LIMS1: variants seen among roughly 807,000 people sequenced by gnomAD.
LIMS1 encodes LIM zinc finger domain containing 1.
Under a neutral mutation model 44.1 loss-of-function variants are expected in LIMS1, and 18 were observed. That is an observed-to-expected ratio of 0.41 (90% CI 0.28 to 0.61). The LOEUF (loss-of-function observed/expected upper bound fraction) is 0.61, where lower values mean the gene tolerates loss of function less well. LIMS1 is among the 20% of genes least tolerant of loss of function. The probability of loss-of-function intolerance (pLI) is 0.32; values close to 1 mark genes in which losing one functional copy is unlikely to be tolerated. For synonymous variants in LIMS1, 93 were observed against 149.1 expected (o/e 0.62, Z 2.74); for missense variants, 201 against 422.0 (o/e 0.48, Z 4.59).
intron 1 of LIMS1, among the ~76,000 whole-genome samples, chr2:108,583,700 C>CTT (rs759827869): frequency 0.064 from 8,292 of 129,796 alleles, 429 homozygotes; most frequent in African/African-American, 0.086. Flanking sequence ...GTTGCTGTTT[C>CTT]TTTTTTTTTT....
chr2:108,550,689 G>A (rs1006006950), intron 1 of LIMS1, among the ~76,000 whole-genome samples: 1 of 151,216 alleles, frequency 6.6e-6, no homozygotes, highest in Admixed American at 6.6e-5. Context: ...CGTGGCGGGT[G>A]CCTGTAGTCC....
chr2:108,638,605 G>T (rs55861910), intron 1 of LIMS1, among the ~76,000 whole-genome samples: 10 of 151,806 alleles, frequency 6.6e-5, no homozygotes, highest in Non-Finnish European at 1.3e-4. Context: ...AAATTAGCCT[G>T]GTGTGGTAGC....
intron 1 of LIMS1, among the ~76,000 whole-genome samples, chr2:108,565,752 G>C (rs1000497057): frequency 6.6e-6 from 1 of 152,130 alleles, no homozygotes; most frequent in African/African-American, 2.4e-5. Flanking sequence ...AGTTTTCGAG[G>C]CTGGGAAGTC....
chr2:108,578,408 A>G (rs998862677), intron 1 of LIMS1, among the ~76,000 whole-genome samples: 8 of 152,000 alleles, frequency 5.3e-5, no homozygotes, highest in African/African-American at 1.9e-4. Flanking sequence ...ACTTATTTTG[A>G]AGTAGTTTTA....
chr2:108,596,548 C>T (rs750369750), intron 1 of LIMS1, among the ~76,000 whole-genome samples: 12 of 152,186 alleles, frequency 7.9e-5, no homozygotes, highest in East Asian at 1.9e-4. Flanking sequence ...GCATGTTGGC[C>T]GGGCATGGCA....
At chr2:108,616,138 A>G (rs1407107710) in intron 1 of LIMS1, among the ~76,000 whole-genome samples, 1 of 147,770 alleles carries the variant, frequency 6.8e-6, no homozygotes, top group Non-Finnish European at 1.5e-5. Flanking sequence ...TGATGGCCCC[A>G]TGTTGCTGGT....
At chr2:108,570,346 C>T (rs563364319) in intron 1 of LIMS1, among the ~76,000 whole-genome samples, 1 of 152,258 alleles carries the variant, frequency 6.6e-6, no homozygotes, top group South Asian at 2.1e-4. Context: ...AGGAGAATCT[C>T]TTGAACCCAG....
chr2:108,671,710 A>G (rs1692171920), intron 3 of LIMS1, among the ~76,000 whole-genome samples: 1 of 152,232 alleles, frequency 6.6e-6, no homozygotes, highest in Non-Finnish European at 1.5e-5. Context: ...CTATGTTGAC[A>G]ATGACCAGAA....
intron 1 of LIMS1, among the ~76,000 whole-genome samples, chr2:108,600,887 T>C (rs1480732257): frequency 1.4e-5 from 2 of 138,040 alleles, no homozygotes; most frequent in Non-Finnish European, 3.2e-5. Flanking sequence ...TTTAGAATTG[T>C]TCGTTCTTCT....
Position 108,675,859 on chromosome 2 carries a change from G to T in LIMS1, c.531-19G>T, listed in dbSNP as rs751137311. 6.2e-7 allele frequency: 1 copy of T among 1,613,954 alleles called. No individual in the cohort carries two copies. The highest frequency in any genetic ancestry group is 1.1e-5 in the South Asian group (1 of 91,080). On this transcript the variant is annotated intron_variant, in intron 5 of 9. Coordinates refer to ENST00000544547, the Ensembl canonical transcript of LIMS1. ...CTTTTCTCTCTTAGTATTAAGCTGT[G>T]TGTCTTTCTCACGGACAGGAAGGAG...
intron 1 of LIMS1, among the ~76,000 whole-genome samples, chr2:108,656,528 A>C (rs115292630): frequency 8.2e-4 from 125 of 151,934 alleles, no homozygotes; most frequent in South Asian, 1.9e-3. Flanking sequence ...TTAAAAAAAA[A>C]AACAACAGGC....
At chr2:108,572,062 G>A (rs1685497084) in intron 1 of LIMS1, among the ~76,000 whole-genome samples, 1 of 152,116 alleles carries the variant, frequency 6.6e-6, no homozygotes, top group South Asian at 2.1e-4. Flanking sequence ...TTGAGCTTAT[G>A]TCTAAATACT....
chr2:108,535,120 C>T (rs1684083439), intron 1 of LIMS1, among the ~76,000 whole-genome samples: 1 of 152,194 alleles, frequency 6.6e-6, no homozygotes. Context: ...GGACGACTGG[C>T]GTCCTTTACA....
chr2:108,559,294 T>G (rs1273841409), intron 1 of LIMS1, among the ~76,000 whole-genome samples: 1 of 152,206 alleles, frequency 6.6e-6, no homozygotes, highest in African/African-American at 2.4e-5. Context: ...TTGTTAAATG[T>G]CCTCAGCGAC....
intron 1 of LIMS1, among the ~76,000 whole-genome samples, chr2:108,546,482 A>C (rs1684486570): frequency 6.6e-6 from 1 of 151,820 alleles, no homozygotes; most frequent in Non-Finnish European, 1.5e-5. Context: ...TTGCTCTTGT[A>C]CTATGAGCCC....
chr2:108,631,898 T>C (rs1344966418), intron 1 of LIMS1, among the ~76,000 whole-genome samples: 1 of 152,224 alleles, frequency 6.6e-6, no homozygotes, highest in East Asian at 1.9e-4. Flanking sequence ...GTCTTTCTCC[T>C]TCTTTAGTTT....
intron 1 of LIMS1, among the ~76,000 whole-genome samples, chr2:108,575,681 C>T (rs542469520): frequency 9.8e-5 from 15 of 152,296 alleles, no homozygotes; most frequent in African/African-American, 3.4e-4. Context: ...TCTTGTTCTC[C>T]AGCTTCCTTT....
At chr2:108,684,870 C>T (rs1339618646) in exon 10 of LIMS1, 1 of 152,044 alleles carries the variant, frequency 6.6e-6, no homozygotes, top group Admixed American at 6.6e-5. Context: ...ATGTGTATGT[C>T]GGTCATATTG....
intron 1 of LIMS1, among the ~76,000 whole-genome samples, chr2:108,586,883 G>A (rs577486276): frequency 6.6e-6 from 1 of 152,178 alleles, no homozygotes; most frequent in East Asian, 1.9e-4. Flanking sequence ...CTTCCCACTC[G>A]AAAGCAGCCT....
Sources: gnomAD v4.1 joint callset for allele counts (sites outside exome capture counted in the v4.1 genomes callset) on GRCh38, gnomAD v4.1.1 for gene constraint, MANE v1.5 for transcripts, NCBI Gene and HGNC (gene_info 2026-07-23, HGNC 2026-07-21) for gene names.